The following ZYG11B variants were observed in gnomAD, a reference collection of about 807,000 sequenced individuals.
ZYG11B encodes zyg-11 family member B, cell cycle regulator.
ZYG11B carries 36 observed loss-of-function variants against 82.4 expected under a neutral mutation model. The observed-to-expected ratio is 0.44, with a 90% CI of 0.33 to 0.58. The LOEUF (loss-of-function observed/expected upper bound fraction) is 0.58, where lower values mean the gene tolerates loss of function less well. Among genes scored for constraint, ZYG11B ranks in the 20% least tolerant of loss-of-function variants. The pLI is 0.02. For missense variants in ZYG11B, 552 were observed against 895.6 expected (o/e 0.62, Z 4.90); for synonymous variants, 303 against 312.8 (o/e 0.97, Z 0.33).
intron 12 of ZYG11B, among the ~76,000 whole-genome samples, chr1:52,814,275 C>T (rs1645206451): frequency 6.6e-6 from 1 of 152,120 alleles, no homozygotes; most frequent in Non-Finnish European, 1.5e-5. Flanking sequence ...CCTGCCTGGG[C>T]CCCCCTAAGT....
chr1:52,776,229 A>AAAAAAAAATATATATAT lies in ZYG11B; in HGVS notation c.952-3623_952-3622insAAAAAAATATATATATA. On this transcript the variant is annotated intron_variant, in intron 3 of 13. Coordinates refer to ENST00000294353, the MANE Select transcript of ZYG11B (RefSeq NM_024646.3). The stretch of plus-strand genomic sequence containing the variant: ...AGCAAAACTCTGTCTTAAAAAAAAA[A>AAAAAAAAATATATATAT]ATATATATATATATATGCAATAAAG... Among the ~76,000 whole-genome samples, 118 of 23,520 alleles carry AAAAAAAAATATATATAT rather than the reference A, an allele frequency of 5.0e-3. 13 individuals carry two copies. The highest frequency in any genetic ancestry group is 5.5e-3 in the Non-Finnish European group (48 of 8,658). The allele number at this position is 23,520 out of a possible 152,430, so 15.4% of individuals were successfully genotyped here.
intron 10 of ZYG11B, chr1:52,805,497 G>A: frequency 2.2e-6 from 1 of 455,886 alleles, no homozygotes; most frequent in Non-Finnish European, 4.4e-6. Flanking sequence ...TGATACAGAA[G>A]TTGGCTCAGG....
chr1:52,797,169 ATT>A (rs1645024888), intron 8 of ZYG11B, among the ~76,000 whole-genome samples: 1 of 67,678 alleles, frequency 1.5e-5, no homozygotes, highest in Non-Finnish European at 2.2e-5. Context: ...TATATTATAT[ATT>A]ATATATATTT....
chr1:52,762,984 G>GC (rs947014367), intron 2 of ZYG11B, among the ~76,000 whole-genome samples: 2 of 140,562 alleles, frequency 1.4e-5, no homozygotes, highest in Admixed American at 1.4e-4. Flanking sequence ...ATTGGGGGGG[G>GC]GGGGTCTAGT....
chr1:52,776,409 C>G (rs962422092), intron 3 of ZYG11B, among the ~76,000 whole-genome samples: 1 of 149,488 alleles, frequency 6.7e-6, no homozygotes, highest in African/African-American at 2.5e-5. Flanking sequence ...TGACAGATGC[C>G]TGTTGTCCCA....
chr1:52,792,004 C>T (rs1313048282), intron 6 of ZYG11B, among the ~76,000 whole-genome samples: 1 of 152,114 alleles, frequency 6.6e-6, no homozygotes, highest in Non-Finnish European at 1.5e-5. Flanking sequence ...CTGCCATTGT[C>T]CCTCAAAAGC....
rs146928442 is a variant in ZYG11B at position 52,765,493 on chromosome 1, AGTTTTTT to A, written c.197-5505_197-5499del. 2.9e-3 allele frequency among the ~76,000 whole-genome samples: 445 copies of A among 151,980 alleles called. 4 individuals are homozygous for A. Among genetic ancestry groups the A allele is most frequent in the Middle Eastern group, 3.4e-3 (1 of 294 alleles). Reference sequence around the variant, plus strand: ...ATTACAGGAATGAGCCACCACACTCAGTTTTTTGTTTTTTGTTTTTTGTTTTTTCCCA... The same window carrying A: ...ATTACAGGAATGAGCCACCACACTCAGTTTTTTGTTTTTTGTTTTTTCCCA... On this transcript the variant is annotated intron_variant, in intron 2 of 13. Transcript: ENST00000294353.
In ZYG11B at chr1:52,726,606, G is replaced by T; in HGVS notation, c.-48G>T. The T allele has an allele frequency of 7.2e-7, 1 of 1,397,380 alleles. No individual in the cohort carries two copies. Among genetic ancestry groups the T allele is most frequent in the South Asian group, 1.6e-5 (1 of 64,262 alleles). The allele number at this position is 1,397,380 out of a possible 1,614,324, so 86.6% of individuals were successfully genotyped here. ...GGAGCCTCCGCGCCGGCTCAGCCTG[G>T]GGGCGGGCTCCGGTCCGGCCCGCCG... On this transcript the variant is annotated 5_prime_UTR_variant, in exon 1 of 14. Transcript: ENST00000294353.
chr1:52,737,769 AAC>A (rs1644390008), intron 1 of ZYG11B, among the ~76,000 whole-genome samples: 1 of 152,248 alleles, frequency 6.6e-6, no homozygotes, highest in Admixed American at 6.5e-5. Context: ...TCTCAAAAAA[AAC>A]ACAACAATAC....
At chr1:52,735,318 C>A (rs1320340058) in intron 1 of ZYG11B, among the ~76,000 whole-genome samples, 1 of 151,938 alleles carries the variant, frequency 6.6e-6, no homozygotes, top group Non-Finnish European at 1.5e-5. Flanking sequence ...CATGAGCCAC[C>A]GTGCCCGGCC....
chr1:52,746,548 T>C (rs1438252193), intron 1 of ZYG11B, among the ~76,000 whole-genome samples: 1 of 151,980 alleles, frequency 6.6e-6, no homozygotes, highest in Non-Finnish European at 1.5e-5. Flanking sequence ...TCTGAAAAAT[T>C]GTGCCAATTT....
intron 2 of ZYG11B, among the ~76,000 whole-genome samples, chr1:52,770,477 A>G (rs939746713): frequency 2.0e-5 from 3 of 152,216 alleles, no homozygotes; most frequent in African/African-American, 7.2e-5. Context: ...CCTTAACACA[A>G]GGTTTATACC....
At chr1:52,815,671 A>G (rs1469237768) in intron 12 of ZYG11B, among the ~76,000 whole-genome samples, 1 of 152,062 alleles carries the variant, frequency 6.6e-6, no homozygotes, top group African/African-American at 2.4e-5. Flanking sequence ...ATGGTGGCTC[A>G]TGCCTGTAAT....
chr1:52,814,677 G>A (rs2149965883), intron 12 of ZYG11B, among the ~76,000 whole-genome samples: 1 of 150,878 alleles, frequency 6.6e-6, no homozygotes, highest in South Asian at 2.1e-4. Flanking sequence ...TCCAGCCTGA[G>A]TGACAGAGCA....
intron 1 of ZYG11B, among the ~76,000 whole-genome samples, chr1:52,755,748 A>T (rs577364573): frequency 3.7e-4 from 53 of 142,722 alleles, no homozygotes; most frequent in African/African-American, 1.4e-3. Flanking sequence ...CAGGTGATCC[A>T]CCTGCCTCGG....
intron 3 of ZYG11B, among the ~76,000 whole-genome samples, chr1:52,775,615 T>C (rs1030661582): frequency 6.6e-6 from 1 of 151,442 alleles, no homozygotes; most frequent in Non-Finnish European, 1.5e-5. Context: ...TGCTTGAACC[T>C]GGGAGGCGGA....
intron 8 of ZYG11B, among the ~76,000 whole-genome samples, chr1:52,797,831 A>AT (rs1289044577): frequency 2.7e-5 from 4 of 150,476 alleles, no homozygotes; most frequent in Non-Finnish European, 5.9e-5. Flanking sequence ...TTTAATAAAA[A>AT]TTTTTTGTGG....
chr1:52,811,028 C>T (rs957610145), intron 10 of ZYG11B, among the ~76,000 whole-genome samples: 24 of 111,404 alleles, frequency 2.2e-4, no homozygotes, highest in African/African-American at 8.6e-5. Flanking sequence ...AGCAAGGCTC[C>T]GTCTCAAAAA....
At chr1:52,813,472 CAGTT>C (rs1361086566) in intron 10 of ZYG11B, 60 bp from the exon 11 acceptor site, 2 of 1,291,068 alleles carry the variant, frequency 1.5e-6, no homozygotes, top group African/African-American at 3.0e-5. Context: ...GGCCTAAAAA[CAGTT>C]ATCTTAACCA....
Sources: allele counts gnomAD v4.1 joint callset (sites outside exome capture counted in the v4.1 genomes callset), GRCh38; gene constraint gnomAD v4.1.1; transcripts MANE v1.5; gene names NCBI Gene and HGNC (gene_info 2026-07-23, HGNC 2026-07-21).